The following DGKB variants were observed in gnomAD, a reference collection of about 807,000 sequenced individuals.
The protein encoded by DGKB is 90 kDa diacylglycerol kinase.
A neutral mutation model predicts 114.3 loss-of-function variants in DGKB; 67 were observed. That is an observed-to-expected ratio of 0.59 (90% CI 0.48 to 0.72). The LOEUF (loss-of-function observed/expected upper bound fraction) is 0.72. Ranked by LOEUF, DGKB falls within the 30% of genes least tolerant of loss-of-function variation. The pLI is 0.00. For synonymous variants in DGKB, 398 were observed against 323.1 expected (o/e 1.23, Z -2.49); for missense variants, 907 against 975.2 (o/e 0.93, Z 0.93).
At chr7:14,848,144 C>A (rs192653282) in intron 1 of DGKB, among the ~76,000 whole-genome samples, 1 of 152,026 alleles carries the variant, frequency 6.6e-6, no homozygotes, top group Non-Finnish European at 1.5e-5. Flanking sequence ...GGGGGAAGAC[C>A]AATTAAGAGG....
chr7:14,670,704 C>T (rs565957087), intron 13 of DGKB, among the ~76,000 whole-genome samples: 1 of 152,196 alleles, frequency 6.6e-6, no homozygotes, highest in East Asian at 1.9e-4. Flanking sequence ...ACCAACATCT[C>T]CCCACTCCTC....
At chr7:14,484,014 C>T (rs776066799) in intron 20 of DGKB, among the ~76,000 whole-genome samples, 2 of 149,208 alleles carry the variant, frequency 1.3e-5, no homozygotes, top group Non-Finnish European at 3.0e-5. Flanking sequence ...GAAACTTATA[C>T]TTCATCTGTT....
intron 10 of DGKB, among the ~76,000 whole-genome samples, chr7:14,683,510 C>T (rs990052271): frequency 5.9e-5 from 9 of 152,018 alleles, no homozygotes; most frequent in African/African-American, 1.7e-4. Flanking sequence ...ATATATAATA[C>T]GTGTCAGAAA....
At chr7:14,867,249 A>G (rs980414650) in intron 1 of DGKB, among the ~76,000 whole-genome samples, 2 of 152,042 alleles carry the variant, frequency 1.3e-5, no homozygotes, top group African/African-American at 4.8e-5. Context: ...CAGTTTATCA[A>G]TTTTTTTCAT....
intron 21 of DGKB, among the ~76,000 whole-genome samples, chr7:14,403,903 C>G (rs1041915251): frequency 1.3e-5 from 2 of 151,870 alleles, no homozygotes; most frequent in Non-Finnish European, 2.9e-5. Context: ...ATGTCCCTCA[C>G]TTTTCTCTTA....
intron 23 of DGKB, among the ~76,000 whole-genome samples, chr7:14,285,027 AAAT>A (rs1800646986): frequency 1.6e-5 from 1 of 61,216 alleles, no homozygotes; most frequent in African/African-American, 3.9e-5. Context: ...AAAAATAAAA[AAAT>A]AATAAAAAAA....
intron 23 of DGKB, among the ~76,000 whole-genome samples, chr7:14,320,742 A>T (rs1388977376): frequency 6.6e-6 from 1 of 152,060 alleles, no homozygotes; most frequent in African/African-American, 2.4e-5. Flanking sequence ...AGCCTCTGTT[A>T]TTAGATAAAG....
At chr7:14,392,535 C>G (rs1207391381) in intron 21 of DGKB, among the ~76,000 whole-genome samples, 1 of 152,102 alleles carries the variant, frequency 6.6e-6, no homozygotes, top group Non-Finnish European at 1.5e-5. Flanking sequence ...ATATATATGA[C>G]TATAAATTAA....
At chr7:14,618,281 A>G (rs1432469579) in intron 15 of DGKB, among the ~76,000 whole-genome samples, 1 of 151,690 alleles carries the variant, frequency 6.6e-6, no homozygotes, top group Non-Finnish European at 1.5e-5. Flanking sequence ...TATTACAAAT[A>G]AGGAAGATAA....
intron 6 of DGKB, among the ~76,000 whole-genome samples, chr7:14,716,419 T>C (rs370447050): frequency 1.2e-4 from 19 of 152,194 alleles, no homozygotes; most frequent in African/African-American, 3.1e-4. Flanking sequence ...AAATTCAACA[T>C]TGACCTGCAA....
chr7:14,193,524 A>G (rs1003253966), intron 23 of DGKB, among the ~76,000 whole-genome samples: 1 of 152,210 alleles, frequency 6.6e-6, no homozygotes, highest in Non-Finnish European at 1.5e-5. Flanking sequence ...ACCCTGACTC[A>G]TGTTATGTAC....
intron 6 of DGKB, among the ~76,000 whole-genome samples, chr7:14,716,153 G>A (rs1291630719): frequency 1.3e-5 from 2 of 152,150 alleles, no homozygotes; most frequent in East Asian, 3.8e-4. Flanking sequence ...GTTGTGTCAG[G>A]TGAATTCCTT....
chr7:14,321,039 A>G (rs1238272921), intron 23 of DGKB, among the ~76,000 whole-genome samples: 1 of 152,128 alleles, frequency 6.6e-6, no homozygotes, highest in Non-Finnish European at 1.5e-5. Context: ...GCCAGTAATC[A>G]CAGCACTTTG....
rs1473950173 is a variant in DGKB, at chr7:14,861,201, A to G, written c.-187-19751T>C. Among the ~76,000 whole-genome samples the G allele has an allele frequency of 2.6e-5, 4 of 152,106 alleles. No homozygotes were observed. In the East Asian group the frequency reaches 7.7e-4, roughly 29 times the overall value. ...ATACTGTTTGAGTATTTTATATTTT[A>G]TATTTCATATTCTCTAAACTTGAGG... On this transcript the variant is annotated intron_variant, in intron 1 of 25. Transcript: ENST00000402815.
intron 23 of DGKB, among the ~76,000 whole-genome samples, chr7:14,218,732 T>G (rs900209575): frequency 2.0e-5 from 3 of 151,854 alleles, no homozygotes; most frequent in African/African-American, 7.2e-5. Flanking sequence ...GGGACAGAGT[T>G]TTTTTTTATA....
chr7:14,276,445 C>T (rs1799006006), intron 23 of DGKB, among the ~76,000 whole-genome samples: 1 of 151,928 alleles, frequency 6.6e-6, no homozygotes, highest in Admixed American at 6.6e-5. Context: ...ATGCCATTGC[C>T]ATCATATTTT....
chr7:14,204,107 T>C (rs917435382), intron 23 of DGKB, among the ~76,000 whole-genome samples: 1 of 151,922 alleles, frequency 6.6e-6, no homozygotes, highest in Non-Finnish European at 1.5e-5. Flanking sequence ...AGGGAGAAAA[T>C]GAATTGGTAT....
At chr7:14,749,685 T>C (rs1308698166) in intron 4 of DGKB, among the ~76,000 whole-genome samples, 1 of 152,146 alleles carries the variant, frequency 6.6e-6, no homozygotes, top group African/African-American at 2.4e-5. Flanking sequence ...ACACCAAACA[T>C]TTTTTGGTGT....
chr7:14,169,200 A>AT (rs1229129304), intron 25 of DGKB, among the ~76,000 whole-genome samples: 3 of 61,386 alleles, frequency 4.9e-5, no homozygotes, highest in African/African-American at 7.1e-5. Flanking sequence ...TCTACTAAAA[A>AT]TTAAAAAAAA....
Sources: gnomAD v4.1 joint callset for allele counts (sites outside exome capture counted in the v4.1 genomes callset) on GRCh38, gnomAD v4.1.1 for gene constraint, MANE v1.5 for transcripts, NCBI Gene and HGNC (gene_info 2026-07-23, HGNC 2026-07-21) for gene names.